The following TMEM74 variants were observed in gnomAD, a reference collection of about 807,000 sequenced individuals.
TMEM74 encodes transmembrane protein 74.
In TMEM74, 13 loss-of-function variants were observed where a neutral mutation model predicts 18.1. That is an observed-to-expected ratio of 0.72 (90% CI 0.47 to 1.14). The LOEUF is 1.14. Ranked by LOEUF, TMEM74 falls within the 50% of genes most tolerant of loss-of-function variation. The pLI, the probability that TMEM74 is intolerant of heterozygous loss-of-function variation, is 0.00. For missense variants in TMEM74, 372 were observed against 375.9 expected, an observed-to-expected ratio of 0.99 and a Z score of 0.09; for synonymous variants, 159 against 146.6, an observed-to-expected ratio of 1.08 and a Z score of -0.61.
intron 1 of TMEM74, among the ~76,000 whole-genome samples, chr8:108,659,942 A>ACT: frequency 6.6e-6 from 1 of 152,142 alleles, no homozygotes; most frequent in East Asian, 1.9e-4. Flanking sequence ...GACAACTTTG[A>ACT]TGAGCCGTAT....
chr8:108,706,991 A>G (rs1201825807), intron 1 of TMEM74, among the ~76,000 whole-genome samples: 1 of 151,992 alleles, frequency 6.6e-6, no homozygotes, highest in Non-Finnish European at 1.5e-5. Flanking sequence ...CATGTACCTC[A>G]TACTCTTTAC....
intron 1 of TMEM74, among the ~76,000 whole-genome samples, chr8:108,692,002 C>T (rs1813237509): frequency 6.6e-6 from 1 of 152,176 alleles, no homozygotes; most frequent in East Asian, 1.9e-4. Flanking sequence ...AATAATGTTC[C>T]AGGCATTTTT....
chr8:108,731,183 G>A (rs2130639074), intron 1 of TMEM74, among the ~76,000 whole-genome samples: 1 of 151,698 alleles, frequency 6.6e-6, no homozygotes, highest in Middle Eastern at 3.4e-3. Flanking sequence ...CCAGATTTAG[G>A]AAGTTGAGTA....
At chr8:108,733,255 C>G (rs1019421368) in intron 1 of TMEM74, among the ~76,000 whole-genome samples, 1 of 152,082 alleles carries the variant, frequency 6.6e-6, no homozygotes, top group African/African-American at 2.4e-5. Flanking sequence ...CCCAAGGTAT[C>G]TATCAACAGG....
At chr8:108,652,964 TTC>T (rs1257529508) in intron 2 of TMEM74, 15 of 269,412 alleles carry the variant, frequency 5.6e-5, no homozygotes, top group Non-Finnish European at 8.1e-5. Flanking sequence ...AAAAGAAGAC[TTC>T]TTTTAGTTTA....
At chr8:108,655,122 G>T (rs1274650989) in intron 2 of TMEM74, among the ~76,000 whole-genome samples, 1 of 152,000 alleles carries the variant, frequency 6.6e-6, no homozygotes, top group Non-Finnish European at 1.5e-5. Context: ...CTTTAGAAGT[G>T]GAAAGCTACA....
intron 1 of TMEM74, among the ~76,000 whole-genome samples, chr8:108,750,750 A>G (rs1253984504): frequency 6.6e-6 from 1 of 152,112 alleles, no homozygotes; most frequent in African/African-American, 2.4e-5. Flanking sequence ...TCAACTCCCA[A>G]GGGTAAGGAG....
At chr8:108,634,391 C>T (rs1297823769) in intron 2 of TMEM74, among the ~76,000 whole-genome samples, 1 of 151,950 alleles carries the variant, frequency 6.6e-6, no homozygotes, top group Non-Finnish European at 1.5e-5. Context: ...CCAAATGCTA[C>T]TCCTATTTCC....
chr8:108,691,815 A>AAT (rs1185470320), intron 1 of TMEM74, among the ~76,000 whole-genome samples: 3 of 152,132 alleles, frequency 2.0e-5, no homozygotes, highest in Admixed American at 6.6e-5. Flanking sequence ...ACATCATTCC[A>AAT]ATATATATAT....
chr8:108,697,249 T>C (rs1039551426), intron 1 of TMEM74, among the ~76,000 whole-genome samples: 1 of 152,160 alleles, frequency 6.6e-6, no homozygotes, highest in African/African-American at 2.4e-5. Flanking sequence ...AACCCAGAGC[T>C]TCAACAGAGC....
chr8:108,743,498 T>G (rs1211928836), intron 1 of TMEM74, among the ~76,000 whole-genome samples: 3 of 152,144 alleles, frequency 2.0e-5, no homozygotes. Flanking sequence ...TTAAAATATA[T>G]GCAAAGTGTT....
chr8:108,678,888 C>T (rs1232048534), intron 1 of TMEM74, among the ~76,000 whole-genome samples: 2 of 139,026 alleles, frequency 1.4e-5, no homozygotes, highest in Non-Finnish European at 3.1e-5. Context: ...CTAATGCCAT[C>T]CTCCCCCCCT....
intron 1 of TMEM74, among the ~76,000 whole-genome samples, chr8:108,724,294 C>T (rs1458733778): frequency 1.3e-5 from 2 of 152,152 alleles, no homozygotes; most frequent in East Asian, 3.9e-4. Flanking sequence ...ATAGGCTTGT[C>T]TTCATGACTG....
At chr8:108,668,857 C>T (rs1025362521) in intron 1 of TMEM74, among the ~76,000 whole-genome samples, 2 of 151,994 alleles carry the variant, frequency 1.3e-5, no homozygotes, top group African/African-American at 4.8e-5. Context: ...TTCCCGTCCT[C>T]CAGAACTTTG....
intron 1 of TMEM74, among the ~76,000 whole-genome samples, chr8:108,757,365 T>C (rs1425895252): frequency 6.6e-6 from 1 of 152,076 alleles, no homozygotes; most frequent in Admixed American, 6.6e-5. Flanking sequence ...TTAAAAGAAA[T>C]AACACTCTTT....
intron 2 of TMEM74, chr8:108,653,386 G>A (rs555764142): frequency 6.5e-6 from 1 of 152,720 alleles, no homozygotes; most frequent in South Asian, 2.1e-4. Flanking sequence ...GGCAGAGGGT[G>A]GCAGTGACAC....
intron 2 of TMEM74, among the ~76,000 whole-genome samples, chr8:108,634,118 G>A (rs2130555343): frequency 6.6e-6 from 1 of 151,974 alleles, no homozygotes; most frequent in African/African-American, 2.4e-5. Context: ...GGAAGAGCAT[G>A]GGCACAGAAC....
At chr8:108,641,543 C>A (rs929768296) in intron 2 of TMEM74, among the ~76,000 whole-genome samples, 15 of 152,076 alleles carry the variant, frequency 9.9e-5, no homozygotes, top group Non-Finnish European at 1.9e-4. Flanking sequence ...ACTGTAAGGG[C>A]TCCCACCATG....
chr8:108,674,360 G>A (rs1813032613), intron 1 of TMEM74, among the ~76,000 whole-genome samples: 1 of 152,122 alleles, frequency 6.6e-6, no homozygotes, highest in African/African-American at 2.4e-5. Context: ...AAAAAACAAA[G>A]TGAATTATAC....
Sources: gnomAD v4.1 joint callset for allele counts (sites outside exome capture counted in the v4.1 genomes callset) on GRCh38, gnomAD v4.1.1 for gene constraint, MANE v1.5 for transcripts, NCBI Gene and HGNC (gene_info 2026-07-23, HGNC 2026-07-21) for gene names.